PTER: variants seen among roughly 807,000 people sequenced by gnomAD.
The protein encoded by PTER is phosphotriesterase related.
PTER carries 38 observed loss-of-function variants against 29.6 expected under a neutral mutation model. The observed-to-expected ratio is 1.28, with a 90% confidence interval of 0.99 to 1.68. PTER has a LOEUF of 1.68. Among genes scored for constraint, PTER ranks in the 40% most tolerant of loss-of-function variants. The probability of loss-of-function intolerance (pLI) is 0.00; values close to 1 mark genes in which losing one functional copy is unlikely to be tolerated. For missense variants in PTER, 482 were observed against 427.8 expected (o/e 1.13, Z -1.12); for synonymous variants, 172 against 154.5 (o/e 1.11, Z -0.84).
At chr10:16,486,169 C>G (rs1346209007) in intron 2 of PTER, among the ~76,000 whole-genome samples, 183 bp from the exon 3 acceptor site, 3 of 152,098 alleles carry the variant, frequency 2.0e-5, no homozygotes, top group Admixed American at 6.5e-5. Context: ...TTTAGTGCAA[C>G]TTGTTGATTT....
intron 1 of PTER, among the ~76,000 whole-genome samples, chr10:16,454,243 A>G (rs148776879): frequency 1.3e-5 from 2 of 152,278 alleles, no homozygotes; most frequent in Non-Finnish European, 2.9e-5. Context: ...TTTTGGTGGC[A>G]CAGAACATAC....
chr10:16,462,136 C>A (rs1429000880), intron 1 of PTER, among the ~76,000 whole-genome samples: 4 of 152,102 alleles, frequency 2.6e-5, no homozygotes, highest in Admixed American at 6.6e-5. Context: ...CAGGCGCCTG[C>A]CACTACGCCT....
chr10:16,460,203 C>G (rs534721285), intron 1 of PTER, among the ~76,000 whole-genome samples: 7 of 152,292 alleles, frequency 4.6e-5, no homozygotes, highest in South Asian at 2.1e-4. Context: ...GAGATTAGGT[C>G]TTCTGGTCCT....
At chr10:16,464,802 T>A (rs1438623205) in intron 1 of PTER, among the ~76,000 whole-genome samples, 1 of 152,170 alleles carries the variant, frequency 6.6e-6, no homozygotes, top group East Asian at 1.9e-4. Context: ...ATCCATCCAT[T>A]TTCATGCTCC....
chr10:16,470,087 A>G (rs1054801562), intron 1 of PTER, among the ~76,000 whole-genome samples: 9 of 152,118 alleles, frequency 5.9e-5, no homozygotes, highest in Non-Finnish European at 1.3e-4. Context: ...CTGTGTATGA[A>G]GTGCTGTTCA....
chr10:16,485,814 C>T (rs946090200), intron 2 of PTER, among the ~76,000 whole-genome samples: 2 of 152,134 alleles, frequency 1.3e-5, no homozygotes, highest in Middle Eastern at 3.4e-3. Context: ...TTTCTTGATG[C>T]CTTGTGCGGT....
At chr10:16,485,893 A>G (rs1835676194) in intron 2 of PTER, among the ~76,000 whole-genome samples, 1 of 152,152 alleles carries the variant, frequency 6.6e-6, no homozygotes, top group Admixed American at 6.5e-5. Context: ...CAGGAGTTCC[A>G]AGTCCAGCCT....
rs140654302 is a variant in PTER, at chr10:16,466,055, G to T, written c.-48-18282G>T. Among the ~76,000 whole-genome samples, 13 of 152,252 alleles carry T rather than the reference G, an allele frequency of 8.5e-5. No individual in the cohort carries two copies. In the East Asian group the frequency reaches 2.5e-3, roughly 29 times the overall value. ...GATGAGATTTGGGTGGGGACGTGAA[G>T]CCAAACCATATCACTGTTATAGCTT... On this transcript the variant is annotated intron_variant, in intron 1 of 4. Transcript: ENST00000535784.
At chr10:16,465,275 G>C (rs971551964) in intron 1 of PTER, among the ~76,000 whole-genome samples, 1 of 152,110 alleles carries the variant, frequency 6.6e-6, no homozygotes, top group African/African-American at 2.4e-5. Flanking sequence ...GCACTGTGTT[G>C]GTGGCTCCTC....
At chr10:16,475,589 C>CT (rs1835230633) in intron 1 of PTER, among the ~76,000 whole-genome samples, 2 of 152,162 alleles carry the variant, frequency 1.3e-5, no homozygotes, top group South Asian at 4.1e-4. Flanking sequence ...ATTCACCGAC[C>CT]AGCTCTGGTA....
intron 3 of PTER, among the ~76,000 whole-genome samples, chr10:16,500,625 C>T (rs1836299964): frequency 6.6e-6 from 1 of 152,216 alleles, no homozygotes; most frequent in Non-Finnish European, 1.5e-5. Context: ...AGAAAGACAT[C>T]TCTGCTTATT....
At position 16,459,755 on chromosome 10, in the gene PTER, T is replaced by TTTAC. The variant is rs201665475; in HGVS notation, c.-49+22712_-49+22715dup. On this transcript the variant is annotated intron_variant, in intron 1 of 4. Coordinates refer to ENST00000535784, the MANE Select transcript of PTER (RefSeq NM_001261836.2). ...ATTTATTTATTTATTTATTTATTTA[T>TTTAC]TTACTTATTTGAGACCAAGTTTTGC... Among the ~76,000 whole-genome samples the TTTAC allele has an allele frequency of 4.2e-3, 633 of 150,886 alleles. 2 individuals are homozygous for TTTAC. The highest frequency in any genetic ancestry group is 0.011 in the East Asian group (59 of 5,142).
intron 1 of PTER, among the ~76,000 whole-genome samples, chr10:16,446,392 G>A (rs1834014176): frequency 6.6e-6 from 1 of 151,972 alleles, no homozygotes; most frequent in South Asian, 2.1e-4. Flanking sequence ...CTAATTTTTT[G>A]TATTTTTACT....
chr10:16,515,025 A>G (rs993789664), downstream of PTER, among the ~76,000 whole-genome samples: 1 of 152,124 alleles, frequency 6.6e-6, no homozygotes, highest in African/African-American at 2.4e-5. Flanking sequence ...TTCGATCCCT[A>G]TGCCCAATCA....
intron 4 of PTER, among the ~76,000 whole-genome samples, chr10:16,506,205 GA>G (rs1203636708): frequency 1.3e-5 from 2 of 152,172 alleles, no homozygotes; most frequent in African/African-American, 4.8e-5. Flanking sequence ...AATCTCAGTG[GA>G]AAAGGCTTGA....
intron 3 of PTER, among the ~76,000 whole-genome samples, chr10:16,498,579 T>G (rs1275221968): frequency 6.6e-6 from 1 of 151,772 alleles, no homozygotes; most frequent in East Asian, 1.9e-4. Context: ...CGAGACTGTC[T>G]CAAAAAACTA....
intron 1 of PTER, among the ~76,000 whole-genome samples, chr10:16,471,080 C>G (rs926912879): frequency 3.3e-5 from 5 of 152,204 alleles, no homozygotes; most frequent in African/African-American, 7.2e-5. Flanking sequence ...GGCTTCAAGA[C>G]TTCCACCAAA....
At chr10:16,461,168 T>C (rs76991751) in intron 1 of PTER, among the ~76,000 whole-genome samples, 2,185 of 152,260 alleles carry the variant, frequency 0.014, 42 homozygotes, top group African/African-American at 0.051. Flanking sequence ...CTGTGAATTC[T>C]TAGGAAGCAG....
At chr10:16,485,376 G>A (rs1411282573) in intron 2 of PTER, among the ~76,000 whole-genome samples, 1 of 152,206 alleles carries the variant, frequency 6.6e-6, no homozygotes, top group East Asian at 1.9e-4. Context: ...GCAGAAGGAA[G>A]TAAATTGTTT....
Sources: allele counts gnomAD v4.1 joint callset (sites outside exome capture counted in the v4.1 genomes callset), GRCh38; gene constraint gnomAD v4.1.1; transcripts MANE v1.5; gene names NCBI Gene and HGNC (gene_info 2026-07-23, HGNC 2026-07-21).